Variants in DCC observed in about 807,000 individuals in gnomAD.
DCC encodes the protein netrin receptor DCC.
A neutral mutation model predicts 172.5 loss-of-function variants in DCC; 58 were observed. That is an observed-to-expected ratio of 0.34 (90% CI 0.27 to 0.42). The LOEUF is 0.42. Among genes scored for constraint, DCC ranks in the 10% least tolerant of loss-of-function variants. The probability of loss-of-function intolerance (pLI) is 1.00; values close to 1 mark genes in which losing one functional copy is unlikely to be tolerated. For synonymous variants in DCC, 709 were observed against 644.5 expected (o/e 1.10, Z -1.52); for missense variants, 1,740 against 1,791.0 (o/e 0.97, Z 0.51).
chr18:52,700,885 G>A (rs980550849), intron 1 of DCC, among the ~76,000 whole-genome samples: 2 of 152,190 alleles, frequency 1.3e-5, no homozygotes, highest in African/African-American at 4.8e-5. Context: ...CCAGTAGCAC[G>A]TGATATTGGT....
chr18:53,383,007 A>T (rs1398473546), intron 15 of DCC, among the ~76,000 whole-genome samples: 1 of 152,102 alleles, frequency 6.6e-6, no homozygotes, highest in Non-Finnish European at 1.5e-5. Context: ...ACAGAAAACC[A>T]CATGCAACAA....
chr18:52,852,960 C>T (rs1035133026), intron 2 of DCC, among the ~76,000 whole-genome samples: 6 of 152,024 alleles, frequency 3.9e-5, no homozygotes, highest in African/African-American at 1.2e-4. Flanking sequence ...GTTATTTTGG[C>T]GATTTTTCTA....
At chr18:53,275,666 T>TA (rs56752662) in intron 12 of DCC, among the ~76,000 whole-genome samples, 3 of 152,062 alleles carry the variant, frequency 2.0e-5, no homozygotes, top group South Asian at 2.1e-4. Flanking sequence ...AACAACCCAC[T>TA]AAAAAAATCA....
chr18:53,396,930 T>C (rs1304158874), intron 17 of DCC, among the ~76,000 whole-genome samples: 1 of 152,092 alleles, frequency 6.6e-6, no homozygotes, highest in Non-Finnish European at 1.5e-5. Flanking sequence ...GGTAAGTATT[T>C]AACTTTGAAA....
rs1465829928 is a variant in DCC at position 52,340,977 on chromosome 18, C to G, written c.91+99C>G. 12 of 988,664 alleles carry G rather than the reference C, an allele frequency of 1.2e-5. No individual in the cohort carries two copies. The Admixed American group carries it at 1.6e-4, about 13-fold the overall frequency. 61.2% of individuals were successfully genotyped at this position (988,664 alleles called of 1,614,324 possible). On this transcript the variant is annotated intron_variant, in intron 1 of 28. Transcript: ENST00000442544. ...GTAGTAGAATTGGGGTGGGGGATAGCAAGAGATTTGGCGCTTGCGCTGCCC... is the reference window on the plus strand; with the variant it reads ...GTAGTAGAATTGGGGTGGGGGATAGGAAGAGATTTGGCGCTTGCGCTGCCC...
At chr18:53,111,430 A>G (rs1332488902) in intron 7 of DCC, among the ~76,000 whole-genome samples, 1 of 104,822 alleles carries the variant, frequency 9.5e-6, no homozygotes. Context: ...AAAGACAAAA[A>G]AAAGAAAGAA....
intron 22 of DCC, among the ~76,000 whole-genome samples, chr18:53,438,275 A>G (rs891008560): frequency 5.9e-5 from 9 of 152,220 alleles, no homozygotes; most frequent in African/African-American, 2.2e-4. Flanking sequence ...AGAGAGAGAA[A>G]TTAACCTATA....
intron 2 of DCC, among the ~76,000 whole-genome samples, chr18:52,815,286 C>A (rs1468927302): frequency 6.6e-6 from 1 of 151,922 alleles, no homozygotes; most frequent in Non-Finnish European, 1.5e-5. Flanking sequence ...GGAAATAGGG[C>A]CTATAAGGAG....
At chr18:53,342,073 T>A (rs1458455581) in intron 15 of DCC, among the ~76,000 whole-genome samples, 1 of 152,072 alleles carries the variant, frequency 6.6e-6, no homozygotes, top group African/African-American at 2.4e-5. Context: ...TCAAGTATCA[T>A]GGTTGTATAT....
intron 5 of DCC, among the ~76,000 whole-genome samples, chr18:53,023,810 T>C (rs2041918819): frequency 1.3e-5 from 2 of 152,120 alleles, no homozygotes; most frequent in African/African-American, 4.8e-5. Flanking sequence ...TATGTGTGGA[T>C]TGATTTGACA....
At chr18:52,774,576 C>T (rs2037396013) in intron 2 of DCC, among the ~76,000 whole-genome samples, 1 of 152,220 alleles carries the variant, frequency 6.6e-6, no homozygotes, top group African/African-American at 2.4e-5. Flanking sequence ...AAGAACTCTG[C>T]ATTCTGTTGA....
At chr18:52,376,443 A>T (rs537561749) in intron 1 of DCC, among the ~76,000 whole-genome samples, 3 of 152,238 alleles carry the variant, frequency 2.0e-5, no homozygotes, top group African/African-American at 7.2e-5. Flanking sequence ...AAGAATAGAA[A>T]GAATAGACTT....
chr18:53,300,958 A>ATTCTTTCTTTCTTTTTCTTTCT (rs1436953257), intron 12 of DCC, among the ~76,000 whole-genome samples: 1 of 81,696 alleles, frequency 1.2e-5, no homozygotes, highest in African/African-American at 5.4e-5. Flanking sequence ...TTGGTTCTGG[A>ATTCTTTCTTTCTTTTTCTTTCT]TTCATTCTTT....
rs766015857 is a variant in DCC at position 52,850,085 on chromosome 18, A to AT, written c.413-55952dup. ...AATCAGTTTTGGATGGTCAAGAAGT[A>AT]TTTTTTTACCATCCCGAGGCTGTTA... is the stretch of plus-strand genomic sequence containing the variant. On this transcript the variant is annotated intron_variant, in intron 2 of 28. Coordinates refer to ENST00000442544, the MANE Select transcript of DCC (RefSeq NM_005215.4). 4.8e-3 allele frequency among the ~76,000 whole-genome samples: 724 copies of AT among 152,160 alleles called. 10 individuals are homozygous for AT. The highest frequency in any genetic ancestry group is 8.1e-3 in the Non-Finnish European group (552 of 67,974).
At chr18:53,091,364 AAT>A (rs1471179314) in intron 7 of DCC, among the ~76,000 whole-genome samples, 1 of 147,722 alleles carries the variant, frequency 6.8e-6, no homozygotes, top group Admixed American at 6.8e-5. Context: ...TATATATACT[AAT>A]ATATATAAAT....
chr18:53,333,919 T>G (rs1330188571), intron 14 of DCC, among the ~76,000 whole-genome samples: 2 of 152,214 alleles, frequency 1.3e-5, no homozygotes, highest in African/African-American at 4.8e-5. Flanking sequence ...GCCACAGGTT[T>G]GACTAATAGG....
chr18:52,910,778 A>T (rs1359232487), intron 3 of DCC, among the ~76,000 whole-genome samples: 4 of 152,168 alleles, frequency 2.6e-5, no homozygotes, highest in Admixed American at 6.6e-5. Flanking sequence ...TCAATCTATT[A>T]TTTGTTTAAC....
intron 5 of DCC, among the ~76,000 whole-genome samples, chr18:53,026,180 T>C (rs1393957503): frequency 1.3e-5 from 2 of 152,126 alleles, no homozygotes; most frequent in East Asian, 1.9e-4. Flanking sequence ...GATATTGATA[T>C]TTAATTATCT....
At chr18:52,545,156 T>C (rs763920918) in intron 1 of DCC, among the ~76,000 whole-genome samples, 11 of 152,194 alleles carry the variant, frequency 7.2e-5, no homozygotes, top group Non-Finnish European at 1.5e-4. Context: ...TTTTTATACC[T>C]TGGGGAAGAG....
Sources: allele counts gnomAD v4.1 joint callset (sites outside exome capture counted in the v4.1 genomes callset), GRCh38; gene constraint gnomAD v4.1.1; transcripts MANE v1.5; gene names NCBI Gene and HGNC (gene_info 2026-07-23, HGNC 2026-07-21).